AOPEP: variants seen among roughly 807,000 people sequenced by gnomAD.
The protein encoded by AOPEP is aminopeptidase O (putative).
AOPEP carries 77 observed loss-of-function variants against 98.1 expected under a neutral mutation model. That is an observed-to-expected ratio of 0.78 (90% confidence interval 0.65 to 0.95). The LOEUF (loss-of-function observed/expected upper bound fraction) is 0.95, where lower values mean the gene tolerates loss of function less well. Ranked by LOEUF, AOPEP falls within the 40% of genes least tolerant of loss-of-function variation. The probability of loss-of-function intolerance (pLI) is 0.00; values close to 1 mark genes in which losing one functional copy is unlikely to be tolerated. For missense variants in AOPEP, 1,024 were observed against 1,024.7 expected (o/e 1.00, Z 0.01); for synonymous variants, 346 against 365.3 (o/e 0.95, Z 0.60).
At chr9:94,870,054 T>A (rs2046163922) in intron 5 of AOPEP, among the ~76,000 whole-genome samples, 1 of 149,390 alleles carries the variant, frequency 6.7e-6, no homozygotes. Flanking sequence ...AATGGTGCGA[T>A]CTCGGCTCAC....
chr9:95,069,245 T>C (rs1376110548), intron 14 of AOPEP, among the ~76,000 whole-genome samples: 1 of 152,150 alleles, frequency 6.6e-6, no homozygotes, highest in Non-Finnish European at 1.5e-5. Context: ...TCCCTCAGAC[T>C]TGGGGAGGTC....
intron 1 of AOPEP, among the ~76,000 whole-genome samples, chr9:94,727,182 G>T (rs1253757811): frequency 6.6e-6 from 1 of 152,174 alleles, no homozygotes; most frequent in East Asian, 1.9e-4. Context: ...AAACCCATCC[G>T]CCTCTTCTTC....
intron 13 of AOPEP, among the ~76,000 whole-genome samples, chr9:95,017,489 G>A (rs1053554094): frequency 6.6e-6 from 1 of 152,198 alleles, no homozygotes; most frequent in Non-Finnish European, 1.5e-5. Flanking sequence ...TGGGACCACC[G>A]TTGTGTATGT....
chr9:95,072,026 CTCATCTCTGTGTTCAG>C (rs1378433131), intron 14 of AOPEP, among the ~76,000 whole-genome samples: 1 of 152,276 alleles, frequency 6.6e-6, no homozygotes, highest in East Asian at 1.9e-4. Context: ...CACCTTTTGC[CTCATCTCTGTGTTCAG>C]TGACATCATG....
At chr9:94,937,137 A>G (rs891610621) in intron 7 of AOPEP, among the ~76,000 whole-genome samples, 1 of 152,192 alleles carries the variant, frequency 6.6e-6, no homozygotes, top group Non-Finnish European at 1.5e-5. Flanking sequence ...TGAAAGTCCC[A>G]ACCCTCTAAT....
chr9:95,012,377 A>G (rs1374931240), intron 13 of AOPEP, among the ~76,000 whole-genome samples: 1 of 152,188 alleles, frequency 6.6e-6, no homozygotes, highest in Non-Finnish European at 1.5e-5. Flanking sequence ...GCCATAAGAG[A>G]TGAAAGCCAT....
intron 3 of AOPEP, 133 bp from the exon 4 acceptor site, chr9:94,792,632 C>T (rs534891779): frequency 1.8e-4 from 146 of 798,090 alleles, no homozygotes; most frequent in Non-Finnish European, 2.6e-4. Context: ...TTTCTGCTGA[C>T]GTGACCGACC....
chr9:94,897,380 A>T (rs781343374), intron 5 of AOPEP, among the ~76,000 whole-genome samples: 29 of 152,192 alleles, frequency 1.9e-4, no homozygotes, highest in Non-Finnish European at 4.0e-4. Flanking sequence ...CAATTTGGAA[A>T]TTTAGCTGCA....
chr9:94,794,162 A>G (rs73534109), intron 4 of AOPEP, among the ~76,000 whole-genome samples: 1,707 of 152,310 alleles, frequency 0.011, 29 homozygotes, highest in African/African-American at 0.038. Flanking sequence ...AAAAATTACT[A>G]TAGGCCATTG....
Position 95,005,149 on chromosome 9 carries a change from C to T in AOPEP, c.1978-9C>T, listed in dbSNP as rs2061890557. 6 of 1,141,838 alleles carry T rather than the reference C, an allele frequency of 5.3e-6. No individual in the cohort carries two copies. The highest frequency in any genetic ancestry group is 6.5e-6 in the Non-Finnish European group (6 of 927,998). 70.7% of individuals were successfully genotyped at this position (1,141,838 alleles called of 1,614,324 possible). ...GCGGTAAACTTGACTGTGTCCTCTT[C>T]CCCCGCAGCCGCTGCAGAGGGAGCG... On this transcript the variant is annotated splice_polypyrimidine_tract_variant and intron_variant, in intron 11 of 16. Coordinates refer to ENST00000375315, the MANE Select transcript of AOPEP (RefSeq NM_001193329.3).
At chr9:94,984,824 T>C (rs993629099) in intron 11 of AOPEP, among the ~76,000 whole-genome samples, 9 of 152,294 alleles carry the variant, frequency 5.9e-5, no homozygotes, top group African/African-American at 2.2e-4. Flanking sequence ...ATGAGTGAAA[T>C]CGTCTGTATT....
At chr9:95,098,932 A>C in the AOPEP span, 1 of 171,892 alleles carries the variant, frequency 5.8e-6, no homozygotes, top group Admixed American at 6.4e-5. Context: ...CCAGAGGCTA[A>C]GCCATCCTCG....
chr9:94,731,028 C>G (rs1830396802), intron 1 of AOPEP, among the ~76,000 whole-genome samples: 1 of 152,194 alleles, frequency 6.6e-6, no homozygotes, highest in South Asian at 2.1e-4. Flanking sequence ...ATAATATTAC[C>G]TGTGGTTAGG....
At chr9:95,005,483 G>C (rs986110045) in intron 12 of AOPEP, 59 bp from the exon 13 acceptor site, 2 of 1,488,306 alleles carry the variant, frequency 1.3e-6, no homozygotes, top group African/African-American at 2.8e-5. Context: ...TCTCGCGCTG[G>C]GGGATGGCCG....
At chr9:94,939,753 C>T (rs1381051573) in intron 7 of AOPEP, among the ~76,000 whole-genome samples, 1 of 152,124 alleles carries the variant, frequency 6.6e-6, no homozygotes, top group Non-Finnish European at 1.5e-5. Context: ...TACTCAGTAT[C>T]CTCGGGGCAT....
chr9:94,749,347 TC>T (rs1835182831), intron 1 of AOPEP, among the ~76,000 whole-genome samples: 1 of 152,224 alleles, frequency 6.6e-6, no homozygotes, highest in South Asian at 2.1e-4. Flanking sequence ...ATGCTTCAGA[TC>T]CATCTTGTAT....
intron 5 of AOPEP, among the ~76,000 whole-genome samples, chr9:94,898,860 G>A (rs1022260579): frequency 9.6e-5 from 14 of 145,250 alleles, no homozygotes; most frequent in Non-Finnish European, 1.8e-4. Flanking sequence ...GGAGAATGGC[G>A]TGAACTCGGG....
intron 2 of AOPEP, among the ~76,000 whole-genome samples, chr9:94,766,845 A>T (rs1055741145): frequency 6.6e-6 from 1 of 152,170 alleles, no homozygotes; most frequent in Non-Finnish European, 1.5e-5. Flanking sequence ...TTTGTTTTAG[A>T]CAAGACTGGG....
intron 5 of AOPEP, among the ~76,000 whole-genome samples, chr9:94,849,556 C>T (rs1220888980): frequency 6.7e-6 from 1 of 148,616 alleles, no homozygotes; most frequent in Non-Finnish European, 1.5e-5. Flanking sequence ...ACAGTGGTCC[C>T]CAACCTTTTT....
Sources: allele counts gnomAD v4.1 joint callset (sites outside exome capture counted in the v4.1 genomes callset), GRCh38; gene constraint gnomAD v4.1.1; transcripts MANE v1.5; gene names NCBI Gene and HGNC (gene_info 2026-07-23, HGNC 2026-07-21).